The following SETD1A variants were observed in gnomAD, a reference collection of about 807,000 sequenced individuals.
The protein encoded by SETD1A is histone-lysine N-methyltransferase SETD1A.
Under a neutral mutation model 149.9 loss-of-function variants are expected in SETD1A, and 29 were observed. The ratio of observed to expected loss-of-function variants is 0.19; its 90% CI spans 0.14 to 0.26. The LOEUF (loss-of-function observed/expected upper bound fraction) is 0.26. Among genes scored for constraint, SETD1A ranks in the 10% least tolerant of loss-of-function variants. The pLI, the probability that SETD1A is intolerant of heterozygous loss-of-function variation, is 1.00. For synonymous variants in SETD1A, 1,141 were observed against 968.5 expected (o/e 1.18, Z -3.31); for missense variants, 2,109 against 2,353.1 (o/e 0.90, Z 2.15).
At chr16:30,964,015 A>G (rs1238423867) in intron 5 of SETD1A, 79 bp from the exon 6 acceptor site, 3 of 1,125,332 alleles carry the variant, frequency 2.7e-6, no homozygotes, top group East Asian at 4.7e-5. Flanking sequence ...GGGAACTAGG[A>G]TTCCTGGTTT....
chr16:30,976,495 C>T (rs1200661084), intron 13 of SETD1A, among the ~76,000 whole-genome samples: 1 of 152,066 alleles, frequency 6.6e-6, no homozygotes, highest in Non-Finnish European at 1.5e-5. Context: ...TGATGAGGAC[C>T]TGGGGCTGTG....
At chr16:30,962,769 A>C (rs2056071799) in intron 4 of SETD1A, among the ~76,000 whole-genome samples, 1 of 152,254 alleles carries the variant, frequency 6.6e-6, no homozygotes, top group South Asian at 2.1e-4. Context: ...CAACATGGTG[A>C]AACCCCATTT....
chr16:30,958,669 C>A, intron 1 of SETD1A, 48 bp from the exon 2 acceptor site: 1 of 1,533,238 alleles, frequency 6.5e-7, no homozygotes, highest in South Asian at 1.2e-5. Context: ...GCAGGGGAGT[C>A]AGGCCCCAAG....
intron 13 of SETD1A, among the ~76,000 whole-genome samples, chr16:30,972,939 G>A (rs1454543401): frequency 6.6e-6 from 1 of 152,142 alleles, no homozygotes; most frequent in African/African-American, 2.4e-5. Flanking sequence ...GCAGCCAGCC[G>A]GAGCACATCT....
At chr16:30,959,065 C>G in intron 2 of SETD1A, 26 bp from the exon 3 acceptor site, 1 of 1,568,362 alleles carries the variant, frequency 6.4e-7, no homozygotes, top group South Asian at 1.1e-5. Flanking sequence ...CCTGAGCTCT[C>G]TTTCTGCTGC....
intron 13 of SETD1A, among the ~76,000 whole-genome samples, chr16:30,976,343 G>C (rs1038607336): frequency 2.0e-5 from 3 of 152,174 alleles, no homozygotes; most frequent in African/African-American, 7.2e-5. Flanking sequence ...AACAGTGATT[G>C]TGCCGCTGCA....
Position 30,966,947 on chromosome 16 carries a change from G to A in SETD1A, c.2569G>A (p.Glu857Lys). The A allele has an allele frequency of 6.3e-7, 1 of 1,581,634 alleles. No homozygotes were observed. The highest frequency in any genetic ancestry group is 8.6e-7 in the Non-Finnish European group (1 of 1,164,158). The change falls in exon 9 of 19, where the codon GAG (glutamate) becomes AAG (lysine). Residue 857 changes from glutamate to lysine, a missense_variant. By Grantham distance (56) the Glu-to-Lys change is moderately conservative (BLOSUM62 1). Around this residue, in one of 8 missense-constraint regions of SETD1A, gnomAD observed 832 missense variants for 815.6 expected, o/e 1.02. Transcript: ENST00000262519. ...GGATAAAGAGAAGACGAAGCTGAAG[G>A]AGCCTGGCCTGCTGTCCCTCGTGGA... Reference protein sequence around the residue: ...EEDKEKTKLKEPGLLSLVDWA... With the variant: ...EEDKEKTKLKKPGLLSLVDWA...
At chr16:30,975,743 G>A (rs1403385202) in intron 13 of SETD1A, among the ~76,000 whole-genome samples, 1 of 151,838 alleles carries the variant, frequency 6.6e-6, no homozygotes, top group South Asian at 2.1e-4. Flanking sequence ...CAACCTCCCT[G>A]TGATTCCCAT....
rs747199788 is a variant in SETD1A, at chr16:30,961,512, C to T, written c.492C>T (p.Ile164=). 4 of 1,614,042 alleles carry T rather than the reference C, an allele frequency of 2.5e-6. No homozygotes were observed. Among genetic ancestry groups the T allele is most frequent in the Non-Finnish European group, 3.4e-6 (4 of 1,179,998 alleles). ...ACCTTACCTCCGTCATGGGCAACAT[C>T]ATCCATGCCCAGCTTGACATCAAAG... is the stretch of plus-strand genomic sequence containing the variant. The part of the protein sequence containing the change: ...NLHLTSVMGN[I]IHAQLDIKGQ... The change falls in exon 4 of 19, where the codon ATC becomes ATT. Residue 164 remains isoleucine, a synonymous_variant. Coordinates refer to ENST00000262519, the MANE Select transcript of SETD1A (RefSeq NM_014712.3). The surrounding 1 kb of genome is among the most constrained non-coding windows in gnomAD (Gnocchi z 4.0).
chr16:30,979,421 T>C lies in SETD1A; in HGVS notation c.3635T>C (p.Leu1212Pro). 1 of 1,610,380 alleles carries C rather than the reference T, an allele frequency of 6.2e-7. No individual in the cohort carries two copies. Among genetic ancestry groups the C allele is most frequent in the Non-Finnish European group, 8.5e-7 (1 of 1,178,530 alleles). ...GAGCGGACCATCCGCAACCTGCCCC[T>C]GGACCACGCATCTCTGGTCAAGAGT... ...GVERTIRNLPLDHASLVKSWP... is the reference protein window; with the variant it reads ...GVERTIRNLPPDHASLVKSWP... Residue 1212 changes from leucine (L) to proline (P), a missense_variant, in exon 14 of 19, where the codon CTG becomes CCG. Physicochemically the swap from Leu to Pro is moderately conservative, Grantham distance 98 (BLOSUM62 -3). Transcript: ENST00000262519.
intron 13 of SETD1A, 128 bp downstream of exon 13, chr16:30,971,847 A>ATC: frequency 1.6e-6 from 2 of 1,228,976 alleles, no homozygotes; most frequent in South Asian, 3.5e-5. Context: ...AAATGTCACC[A>ATC]TCTCCTGTCA....
chr16:30,960,743 T>C (rs2056041817), intron 3 of SETD1A, among the ~76,000 whole-genome samples: 2 of 142,206 alleles, frequency 1.4e-5, no homozygotes, highest in African/African-American at 2.6e-5. Flanking sequence ...TTTTTTTTTT[T>C]TTTTTTTTTT....
chr16:30,965,710 C>G lies in SETD1A; in HGVS notation c.1829C>G (p.Pro610Arg). 1 of 1,590,256 alleles carries G rather than the reference C, an allele frequency of 6.3e-7. No individual in the cohort carries two copies. Among genetic ancestry groups the G allele is most frequent in the Non-Finnish European group, 8.6e-7 (1 of 1,168,284 alleles). ...PPQQPPPPPP[P>R]PPPPPPYLAS... ...CAGCAGCCTCCGCCACCTCCCCCTC[C>G]CCCGCCGCCTCCTCCTCCCTACCTG... The change falls in exon 8 of 19, where the codon CCC becomes CGC. Residue 610 changes from proline to arginine, a missense_variant. Pro to Arg is a moderately radical substitution (Grantham distance 103). Around this residue, in one of 8 missense-constraint regions of SETD1A, gnomAD observed 431 missense variants for 388.6 expected, o/e 1.11. Transcript: ENST00000262519.
intron 3 of SETD1A, among the ~76,000 whole-genome samples, chr16:30,960,730 C>CTTTTTTTTTT (rs71374043): frequency 9.4e-4 from 76 of 80,536 alleles, no homozygotes; most frequent in East Asian, 1.8e-3. Context: ...TTCTTTCTTT[C>CTTTTTTTTTT]TTTTTTTTTT....
chr16:30,969,506 T>C, intron 11 of SETD1A, 44 bp downstream of exon 11: 1 of 1,599,346 alleles, frequency 6.3e-7, no homozygotes, highest in Non-Finnish European at 8.5e-7. Context: ...CTACTTCCCA[T>C]AGCCAGCATC....
Position 30,984,088 on chromosome 16 carries a change from C to A in SETD1A, c.*65C>A. 1 of 1,477,052 alleles carries A rather than the reference C, an allele frequency of 6.8e-7. No individual in the cohort carries two copies. Among genetic ancestry groups the A allele is most frequent in the East Asian group, 2.3e-5 (1 of 42,860 alleles). 91.5% of individuals were successfully genotyped at this position (1,477,052 alleles called of 1,614,324 possible). A position where few individuals can be genotyped will look rare whatever the true frequency, so the allele number is the denominator to read the frequency against. Reference sequence around the variant, plus strand: ...CCTGGTGCCCTGAGCTCCCAGCACCCCCCCAGCCTTAGTGGGCTCAGCAGG... The same window carrying A: ...CCTGGTGCCCTGAGCTCCCAGCACCACCCCAGCCTTAGTGGGCTCAGCAGG... On this transcript the variant is annotated 3_prime_UTR_variant, in exon 19 of 19. Coordinates refer to ENST00000262519, the MANE Select transcript of SETD1A (RefSeq NM_014712.3).
chr16:30,968,050 A>G (rs939228907), intron 10 of SETD1A, among the ~76,000 whole-genome samples: 1 of 152,166 alleles, frequency 6.6e-6, no homozygotes, highest in African/African-American at 2.4e-5. Context: ...AGGCATAACA[A>G]GTCAGCTCCC....
Position 30,961,645 on chromosome 16 carries a change from G to A in SETD1A, c.517+108G>A. On this transcript the variant is annotated intron_variant, in intron 4 of 18. Coordinates refer to ENST00000262519, the MANE Select transcript of SETD1A (RefSeq NM_014712.3). The surrounding 1 kb of genome is among the most constrained non-coding windows in gnomAD (Gnocchi z 4.0). ...CCCAGGGTCATGATCTGAAACTGCT[G>A]GGGCCAGTTGTGTTTCTGAAATCAG... 2 of 968,078 alleles carry A rather than the reference G, an allele frequency of 2.1e-6. No individual in the cohort carries two copies. Among genetic ancestry groups the A allele is most frequent in the Non-Finnish European group, 3.1e-6 (2 of 640,748 alleles). The allele number at this position is 968,078 out of a possible 1,614,324, so 60.0% of individuals were successfully genotyped here.
chr16:30,961,139 C>A lies in SETD1A; in HGVS notation c.247-128C>A. 1 of 891,010 alleles carries A rather than the reference C, an allele frequency of 1.1e-6. No individual in the cohort carries two copies. Among genetic ancestry groups the A allele is most frequent in the Non-Finnish European group, 1.8e-6 (1 of 553,792 alleles). The allele number at this position is 891,010 out of a possible 1,614,324, so 55.2% of individuals were successfully genotyped here. On this transcript the variant is annotated intron_variant, in intron 3 of 18. Transcript: ENST00000262519. This position sits in a 1 kb window ranked among gnomAD's most constrained non-coding sequence, Gnocchi z 4.0. ...GGTCTGATGGATCCCTTATTTTGGG[C>A]CCCTTCCCTTGCCCCTCACTTTCCC... is the stretch of plus-strand genomic sequence containing the variant.
Sources: allele counts gnomAD v4.1 joint callset (sites outside exome capture counted in the v4.1 genomes callset), GRCh38; gene constraint gnomAD v4.1.1; regional missense constraint gnomAD v4.1.1; non-coding constraint Gnocchi (gnomAD v3.1); transcripts MANE v1.5; gene names NCBI Gene and HGNC (gene_info 2026-07-23, HGNC 2026-07-21).